ADD2: variants seen among roughly 807,000 people sequenced by gnomAD.
ADD2 encodes adducin 2.
ADD2 carries 23 observed loss-of-function variants against 83.0 expected under a neutral mutation model. That is an observed-to-expected ratio of 0.28 (90% CI 0.20 to 0.39). The LOEUF (loss-of-function observed/expected upper bound fraction) is 0.39, where lower values mean the gene tolerates loss of function less well. Among genes scored for constraint, ADD2 ranks in the 10% least tolerant of loss-of-function variants. ADD2 has a pLI of 1.00. For synonymous variants in ADD2, 375 were observed against 375.4 expected (o/e 1.00, Z 0.01); for missense variants, 758 against 944.9 (o/e 0.80, Z 2.59).
chr2:70,740,630 A>AT (rs34817483), intron 1 of ADD2, among the ~76,000 whole-genome samples: 40,474 of 151,308 alleles, frequency 0.27, 5,956 homozygotes, highest in East Asian at 0.57. Context: ...TTTTGTGGGG[A>AT]TTTTTTTGTT....
At chr2:70,683,815 C>A in intron 9 of ADD2, 48 bp from the exon 10 acceptor site, 3 of 1,564,502 alleles carry the variant, frequency 1.9e-6, no homozygotes, top group Non-Finnish European at 2.6e-6. Flanking sequence ...CATGGGTACC[C>A]TGCACTTATC....
Position 70,704,461 on chromosome 2 carries a change from T to A in ADD2, c.184-2A>T, listed in dbSNP as rs1671786587. 6.2e-7 allele frequency: 1 copy of A among 1,613,966 alleles called. No individual in the cohort carries two copies. Among genetic ancestry groups the A allele is most frequent in the African/African-American group, 1.3e-5 (1 of 74,930 alleles). On this transcript the variant is annotated splice_acceptor_variant, in intron 3 of 15. Coordinates refer to ENST00000264436, the MANE Select transcript of ADD2 (RefSeq NM_001617.4). LOFTEE classifies it high-confidence loss of function. ...GCCTTCCAGCTCCTCCCTGAAAGAC[T>A]GAAGCAGGCCCCGAGGTGCTTGTCC...
At position 70,672,961 on chromosome 2, in the gene ADD2, G is replaced by A. The variant is rs1553367411; in HGVS notation, c.1787C>T (p.Ser596Phe). The A allele has an allele frequency of 6.2e-7, 1 of 1,613,940 alleles. No individual in the cohort carries two copies. The part of the protein sequence containing the change: ...APEEPGSPAK[S>F]APASPVQSPA... ...GCTCTGCACTGGAGAAGCAGGTGCA[G>A]ACTTTGCAGGTGAGCCAGGCTCTTC... Residue 596 changes from serine to phenylalanine, a missense_variant, in exon 15 of 16, where the codon TCT becomes TTT. Physicochemically the swap from Ser to Phe is radical, Grantham distance 155. Transcript: ENST00000264436.
intron 4 of ADD2, among the ~76,000 whole-genome samples, chr2:70,699,315 A>G (rs560816826): frequency 6.6e-6 from 1 of 152,312 alleles, no homozygotes; most frequent in African/African-American, 2.4e-5. Flanking sequence ...AAAACCTACA[A>G]TTATATGCTT....
chr2:70,763,964 T>C (rs1346280121), intron 1 of ADD2, among the ~76,000 whole-genome samples: 1 of 151,070 alleles, frequency 6.6e-6, no homozygotes, highest in Non-Finnish European at 1.5e-5. Context: ...CTCGGCTCAC[T>C]GCAACCTCTG....
At chr2:70,674,552 G>T in intron 14 of ADD2, 126 bp downstream of exon 14, 2 of 1,080,556 alleles carry the variant, frequency 1.9e-6, no homozygotes, top group Non-Finnish European at 2.6e-6. Context: ...GCATTTTTGT[G>T]ATTAATGGAA....
At chr2:70,669,450 C>G (rs1466359096) in intron 15 of ADD2, among the ~76,000 whole-genome samples, 1 of 152,178 alleles carries the variant, frequency 6.6e-6, no homozygotes, top group East Asian at 1.9e-4. Flanking sequence ...TTACTTACCC[C>G]CAAAAACTGA....
intron 1 of ADD2, among the ~76,000 whole-genome samples, chr2:70,742,840 GGCTA>G (rs1673989831): frequency 6.6e-6 from 1 of 152,084 alleles, no homozygotes; most frequent in East Asian, 1.9e-4. Context: ...TGAGGTCCCT[GGCTA>G]TACTTACATA....
At position 70,677,748 on chromosome 2, in the gene ADD2, C is replaced by A. The variant is rs1670239807; in HGVS notation, c.1503+10G>T. 2 of 1,613,612 alleles carry A rather than the reference C, an allele frequency of 1.2e-6. No homozygotes were observed. Among genetic ancestry groups the A allele is most frequent in the Non-Finnish European group, 1.7e-6 (2 of 1,179,598 alleles). On this transcript the variant is annotated intron_variant, in intron 12 of 15. Coordinates refer to ENST00000264436, the MANE Select transcript of ADD2 (RefSeq NM_001617.4). ...GAGAAGAAAGAGTGGGATAAACAGA[C>A]CCCACTTACCTTGTTCCTCATCTCC...
chr2:70,674,645 T>A, intron 14 of ADD2, 33 bp downstream of exon 14: 1 of 1,596,882 alleles, frequency 6.3e-7, no homozygotes, highest in Non-Finnish European at 8.5e-7. Flanking sequence ...CCTGGGGGAC[T>A]TGGAAGCAAG....
intron 1 of ADD2, among the ~76,000 whole-genome samples, chr2:70,762,707 C>CTT (rs1174014005): frequency 3.6e-5 from 5 of 138,434 alleles, no homozygotes; most frequent in African/African-American, 8.0e-5. Context: ...ATTTCATTTT[C>CTT]TTTTTTTTTT....
chr2:70,754,445 A>G lies in ADD2; in HGVS notation c.-154+13441T>C, dbSNP rs114666824. On this transcript the variant is annotated intron_variant, in intron 1 of 15. Coordinates refer to ENST00000264436, the MANE Select transcript of ADD2 (RefSeq NM_001617.4). Reference sequence around the variant, plus strand: ...CTGGGTGCACATCTCCTCCAGCCCTATAGTCACCTCTATCTATTTCCACTC... The same window carrying G: ...CTGGGTGCACATCTCCTCCAGCCCTGTAGTCACCTCTATCTATTTCCACTC... Among the ~76,000 whole-genome samples, 369 of 151,974 alleles carry G rather than the reference A, an allele frequency of 2.4e-3. 2 individuals are homozygous for G. The highest frequency in any genetic ancestry group is 8.5e-3 in the African/African-American group (351 of 41,444).
intron 13 of ADD2, chr2:70,675,981 G>GT (rs1553368188): frequency 3.0e-6 from 3 of 985,322 alleles, no homozygotes; most frequent in Admixed American, 1.2e-4. Flanking sequence ...TTGGGGGGAG[G>GT]TAAGTGTGAT....
intron 1 of ADD2, 103 bp downstream of exon 1, chr2:70,767,783 C>T: frequency 6.7e-7 from 1 of 1,492,638 alleles, no homozygotes; most frequent in South Asian, 1.3e-5. Flanking sequence ...ACGCGCCCCA[C>T]CTGGGCCAAG....
chr2:70,667,411 C>T (rs1295335483), intron 15 of ADD2, among the ~76,000 whole-genome samples: 1 of 152,090 alleles, frequency 6.6e-6, no homozygotes, highest in Non-Finnish European at 1.5e-5. Flanking sequence ...AGGAGGGGGG[C>T]TTCTGTGGGA....
intron 1 of ADD2, among the ~76,000 whole-genome samples, chr2:70,724,216 A>G (rs1010616736): frequency 6.6e-6 from 1 of 152,194 alleles, no homozygotes; most frequent in Non-Finnish European, 1.5e-5. Flanking sequence ...CTGTGCCAGC[A>G]CTGTTCTGCC....
rs1440216206 is a variant in ADD2, at chr2:70,660,957, A to G, written c.*2468T>C. On this transcript the variant is annotated 3_prime_UTR_variant, in exon 16 of 16. Coordinates refer to ENST00000264436, the MANE Select transcript of ADD2 (RefSeq NM_001617.4). Reference sequence around the variant, plus strand: ...CTTCTTGAGGGCAGGAACTATGCCTATCCTCATGCCTGGCCCTTGACCCAA... The same window carrying G: ...CTTCTTGAGGGCAGGAACTATGCCTGTCCTCATGCCTGGCCCTTGACCCAA... 1 of 152,168 alleles carries G rather than the reference A, an allele frequency of 6.6e-6. No individual in the cohort carries two copies. The highest frequency in any genetic ancestry group is 6.5e-5 in the Admixed American group (1 of 15,282). 9.4% of individuals were successfully genotyped at this position (152,168 alleles called of 1,614,324 possible).
At position 70,660,812 on chromosome 2, in the gene ADD2, C is replaced by G. The variant is rs558264616; in HGVS notation, c.*2613G>C. Reference sequence around the variant, plus strand: ...TTTACTCTTTGTTTTAAAACCTTAGCAGCCATTGCTTCTCTCAGGGTTTCT... The same window carrying G: ...TTTACTCTTTGTTTTAAAACCTTAGGAGCCATTGCTTCTCTCAGGGTTTCT... On this transcript the variant is annotated 3_prime_UTR_variant, in exon 16 of 16. Transcript: ENST00000264436. 1 of 152,350 alleles carries G rather than the reference C, an allele frequency of 6.6e-6. No homozygotes were observed. The highest frequency in any genetic ancestry group is 2.4e-5 in the African/African-American group (1 of 41,586). 9.4% of individuals were successfully genotyped at this position (152,350 alleles called of 1,614,324 possible). A position where few individuals can be genotyped will look rare whatever the true frequency, so the allele number is the denominator to read the frequency against.
intron 1 of ADD2, among the ~76,000 whole-genome samples, chr2:70,765,678 G>T (rs1675345638): frequency 6.6e-6 from 1 of 152,196 alleles, no homozygotes; most frequent in South Asian, 2.1e-4. Flanking sequence ...TAAGCCATGG[G>T]TTCGTCAATT....
Sources: allele counts gnomAD v4.1 joint callset (sites outside exome capture counted in the v4.1 genomes callset), GRCh38; gene constraint gnomAD v4.1.1; transcripts MANE v1.5; gene names NCBI Gene and HGNC (gene_info 2026-07-23, HGNC 2026-07-21).